UBE3C: variants seen among roughly 807,000 people sequenced by gnomAD.
UBE3C encodes ubiquitin protein ligase E3C.
A neutral mutation model predicts 129.4 loss-of-function variants in UBE3C; 42 were observed. The ratio of observed to expected loss-of-function variants is 0.32; its 90% CI spans 0.25 to 0.42. The LOEUF is 0.42. Among genes scored for constraint, UBE3C ranks in the 10% least tolerant of loss-of-function variants. The pLI, the probability that UBE3C is intolerant of heterozygous loss-of-function variation, is 1.00. For missense variants in UBE3C, 1,049 were observed against 1,319.1 expected (o/e 0.80, Z 3.17); for synonymous variants, 510 against 492.4 (o/e 1.04, Z -0.47).
chr7:157,256,658 A>G (rs924633041), intron 21 of UBE3C: 3 of 353,380 alleles, frequency 8.5e-6, no homozygotes, highest in Admixed American at 4.5e-5. Context: ...TTGTGTCTGC[A>G]CTGAATGTGT....
intron 17 of UBE3C, among the ~76,000 whole-genome samples, chr7:157,230,525 T>A (rs1161598634): frequency 1.3e-5 from 2 of 151,750 alleles, no homozygotes; most frequent in Non-Finnish European, 2.9e-5. Flanking sequence ...TGAAACCCCA[T>A]CTCTACTAAA....
In UBE3C at chr7:157,178,729, A is replaced by C; in HGVS notation, c.498A>C (p.Ala166=). 1 of 1,614,174 alleles carries C rather than the reference A, an allele frequency of 6.2e-7. No homozygotes were observed. Among genetic ancestry groups the C allele is most frequent in the East Asian group, 2.2e-5 (1 of 44,884 alleles). Reference sequence around the variant, plus strand: ...GTAATGATGACAGTTTGAATGTTGCACTTCCAATGAGAATGCTTGAAGTAT... The same window carrying C: ...GTAATGATGACAGTTTGAATGTTGCCCTTCCAATGAGAATGCTTGAAGTAT... ...QNCNDDSLNV[A]LPMRMLEVFS... The change falls in exon 6 of 23, where the codon GCA becomes GCC. Residue 166 remains alanine (A), a synonymous_variant. Transcript: ENST00000348165.
intron 19 of UBE3C, among the ~76,000 whole-genome samples, chr7:157,250,198 G>A (rs1796587728): frequency 6.6e-6 from 1 of 152,058 alleles, no homozygotes; most frequent in Admixed American, 6.6e-5. Flanking sequence ...GTCTACTTTA[G>A]CATATGGGGC....
intron 13 of UBE3C, among the ~76,000 whole-genome samples, chr7:157,212,918 C>T (rs1202513506): frequency 2.0e-5 from 3 of 152,006 alleles, no homozygotes; most frequent in Admixed American, 6.6e-5. Flanking sequence ...CCACCACACC[C>T]GGCTAATTTT....
At chr7:157,201,637 C>CTTTTT (rs10713758) in intron 10 of UBE3C, 84 bp from the exon 11 acceptor site, 6,715 of 222,560 alleles carry the variant, frequency 0.03, 442 homozygotes, top group East Asian at 0.065. Flanking sequence ...CAGTGTATCG[C>CTTTTT]TTTTTTTTTT....
chr7:157,215,507 A>T (rs1292246193), intron 13 of UBE3C, among the ~76,000 whole-genome samples: 1 of 148,206 alleles, frequency 6.7e-6, no homozygotes, highest in Non-Finnish European at 1.5e-5. Context: ...AGTATATATT[A>T]TACAATTTAT....
In UBE3C at chr7:157,187,030, C is replaced by T. The variant is rs771773610; in HGVS notation, c.1331+9C>T. On this transcript the variant is annotated intron_variant, in intron 10 of 22. Transcript: ENST00000348165. ...ATGGTACCCAAAGTCAGGCAAGTGT[C>T]CGTGGGCGTCTGTGCCAGGGGGTGC... 6.3e-7 allele frequency: 1 copy of T among 1,587,586 alleles called. No homozygotes were observed. The highest frequency in any genetic ancestry group is 8.6e-7 in the Non-Finnish European group (1 of 1,166,636).
chr7:157,216,202 G>T (rs750124428), intron 13 of UBE3C, among the ~76,000 whole-genome samples: 4 of 152,010 alleles, frequency 2.6e-5, no homozygotes, highest in Non-Finnish European at 4.4e-5. Flanking sequence ...GTGATATCTG[G>T]GGTGCTGCTT....
chr7:157,168,361 A>G (rs1048366756), intron 2 of UBE3C, among the ~76,000 whole-genome samples: 2 of 151,066 alleles, frequency 1.3e-5, no homozygotes, highest in African/African-American at 2.4e-5. Flanking sequence ...AGGTCCTACT[A>G]TGCTGGTGAG....
chr7:157,170,730 A>G (rs926408549), intron 4 of UBE3C, among the ~76,000 whole-genome samples: 4 of 152,308 alleles, frequency 2.6e-5, no homozygotes, highest in East Asian at 1.9e-4. Flanking sequence ...CCCACCTATC[A>G]TGTACCCTGA....
In UBE3C at chr7:157,245,906, G is replaced by A. The variant is rs78946200; in HGVS notation, c.2482-2462G>A. 6.8e-4 allele frequency among the ~76,000 whole-genome samples: 99 copies of A among 144,912 alleles called. No homozygotes were observed. In the Middle Eastern group the frequency reaches 0.012, roughly 17 times the overall value. ...CTCAGGAAACTGAGACAGGAGAATC[G>A]CTTGAACTCGGGAGGCGGAGGCTGC... On this transcript the variant is annotated intron_variant, in intron 18 of 22. Coordinates refer to ENST00000348165, the MANE Select transcript of UBE3C (RefSeq NM_014671.3).
intron 11 of UBE3C, among the ~76,000 whole-genome samples, chr7:157,205,849 G>A (rs748982306): frequency 2.0e-5 from 3 of 152,278 alleles, no homozygotes; most frequent in East Asian, 1.9e-4. Flanking sequence ...TTCTCAAAGC[G>A]GTTGATGATG....
chr7:157,201,776 A>T lies in UBE3C; in HGVS notation c.1387A>T (p.Ile463Leu), dbSNP rs759826283. The T allele has an allele frequency of 1.2e-6, 2 of 1,611,112 alleles. No individual in the cohort carries two copies. The highest frequency in any genetic ancestry group is 3.4e-5 in the Admixed American group (2 of 59,618). The change falls in exon 11 of 23, where the codon ATA (isoleucine) becomes TTA (leucine). Residue 463 changes from isoleucine to leucine, a missense_variant. Ile to Leu is a conservative substitution (Grantham distance 5). Around this residue, in one of 4 missense-constraint regions of UBE3C, gnomAD observed 314 missense variants for 416.9 expected, o/e 0.75. Coordinates refer to ENST00000348165, the MANE Select transcript of UBE3C (RefSeq NM_014671.3). ...GTTTCTGAGACATCTTTGGTTTCTA[A>T]TATCTTCCATGTCAACACGGATGAT... ...ARFLRHLWFLISSMSTRMITG... is the reference protein window; with the variant it reads ...ARFLRHLWFLLSSMSTRMITG...
At chr7:157,149,025 C>CATGT (rs1807683823) in intron 1 of UBE3C, among the ~76,000 whole-genome samples, 1 of 152,020 alleles carries the variant, frequency 6.6e-6, no homozygotes, top group Non-Finnish European at 1.5e-5. Context: ...GAGCAAAAGA[C>CATGT]TGTAGTTCCC....
At chr7:157,260,049 T>G (rs1328413223) in intron 22 of UBE3C, among the ~76,000 whole-genome samples, 2 of 151,960 alleles carry the variant, frequency 1.3e-5, no homozygotes, top group Admixed American at 6.6e-5. Context: ...CGTATAAACT[T>G]AAACGTGTTA....
At chr7:157,174,636 T>C (rs1004440115) in intron 4 of UBE3C, among the ~76,000 whole-genome samples, 2 of 152,086 alleles carry the variant, frequency 1.3e-5, no homozygotes, top group African/African-American at 4.8e-5. Context: ...TATTTTTTTG[T>C]AGAGACAGGG....
chr7:157,176,599 G>GA (rs748569408), intron 5 of UBE3C, among the ~76,000 whole-genome samples: 36 of 152,310 alleles, frequency 2.4e-4, no homozygotes, highest in Middle Eastern at 3.4e-3. Context: ...TTAACAACAA[G>GA]AAAACACTCC....
At chr7:157,181,339 A>G (rs749773273) in intron 6 of UBE3C, among the ~76,000 whole-genome samples, 179 bp from the exon 7 acceptor site, 1 of 152,196 alleles carries the variant, frequency 6.6e-6, no homozygotes, top group Non-Finnish European at 1.5e-5. Context: ...TTGTTGGTAC[A>G]TGAGGTTTGT....
chr7:157,190,282 T>C (rs1808920410), intron 10 of UBE3C, among the ~76,000 whole-genome samples: 1 of 152,060 alleles, frequency 6.6e-6, no homozygotes. Context: ...CCTCCCAGGG[T>C]CTGAAGTTGA....
Sources: gnomAD v4.1 joint callset for allele counts (sites outside exome capture counted in the v4.1 genomes callset) on GRCh38, gnomAD v4.1.1 for gene constraint, gnomAD v4.1.1 regional missense constraint, MANE v1.5 for transcripts, NCBI Gene and HGNC (gene_info 2026-07-23, HGNC 2026-07-21) for gene names.